The following PDE4D variants were observed in gnomAD, a reference collection of about 807,000 sequenced individuals.
PDE4D encodes the protein phosphodiesterase 4D.
A neutral mutation model predicts 87.4 loss-of-function variants in PDE4D; 24 were observed. That is an observed-to-expected ratio of 0.27 (90% CI 0.20 to 0.39). The LOEUF is 0.39. PDE4D is among the 10% of genes least tolerant of loss of function. The pLI, the probability that PDE4D is intolerant of heterozygous loss-of-function variation, is 1.00. For synonymous variants in PDE4D, 384 were observed against 383.2 expected (o/e 1.00, Z -0.02); for missense variants, 714 against 1,041.0 (o/e 0.69, Z 4.32).
chr5:60,095,127 G>T (rs1775548231), intron 2 of PDE4D, among the ~76,000 whole-genome samples: 1 of 152,110 alleles, frequency 6.6e-6, no homozygotes, highest in Non-Finnish European at 1.5e-5. Flanking sequence ...GTATACACGT[G>T]CCATGGTGGT....
intron 2 of PDE4D, among the ~76,000 whole-genome samples, chr5:60,134,711 G>A (rs1026131252): frequency 3.3e-5 from 5 of 152,062 alleles, no homozygotes; most frequent in Admixed American, 1.3e-4. Flanking sequence ...CTAGTATAAC[G>A]TAAATGTTAT....
At chr5:59,155,473 G>A (rs926004801) in intron 5 of PDE4D, among the ~76,000 whole-genome samples, 3 of 152,184 alleles carry the variant, frequency 2.0e-5, no homozygotes, top group Admixed American at 1.3e-4. Flanking sequence ...CTGGAACAGA[G>A]GTGTTGTGAG....
At chr5:59,763,193 A>G (rs984261768) in intron 1 of PDE4D, among the ~76,000 whole-genome samples, 4 of 151,868 alleles carry the variant, frequency 2.6e-5, no homozygotes, top group African/African-American at 9.7e-5. Flanking sequence ...GGGAGCGGGT[A>G]GGGATAGCTT....
At chr5:59,468,945 C>A (rs953066006) in intron 1 of PDE4D, among the ~76,000 whole-genome samples, 2 of 152,162 alleles carry the variant, frequency 1.3e-5, no homozygotes, top group Non-Finnish European at 2.9e-5. Context: ...GTCTTCCTAA[C>A]TATGAGGCCT....
At chr5:60,161,582 A>C (rs1383332468) in intron 2 of PDE4D, among the ~76,000 whole-genome samples, 1 of 152,124 alleles carries the variant, frequency 6.6e-6, no homozygotes, top group Non-Finnish European at 1.5e-5. Context: ...TGGATCCCCT[A>C]GTTGAAGAAA....
rs191317223 is a variant in PDE4D at position 60,217,527 on chromosome 5, C to G, written c.-89-31840G>C. 2.9e-3 allele frequency among the ~76,000 whole-genome samples: 436 copies of G among 151,642 alleles called. 3 individuals are homozygous for G. Among genetic ancestry groups the G allele is most frequent in the African/African-American group, 0.01 (422 of 41,414 alleles). ...TCAAATCACATAGTAAAACACAACG[C>G]AAAAAGCATGAACAATCACAGAAAA... On this transcript the variant is annotated intron_variant, in intron 1 of 16. Transcript: ENST00000502484.
chr5:59,155,961 G>T (rs542410090), intron 5 of PDE4D, among the ~76,000 whole-genome samples: 4 of 152,130 alleles, frequency 2.6e-5, no homozygotes, highest in South Asian at 2.1e-4. Flanking sequence ...AGAGCTGCTG[G>T]TTTGGGAGGC....
chr5:59,042,596 G>A (rs1759874896), intron 5 of PDE4D, among the ~76,000 whole-genome samples: 1 of 152,140 alleles, frequency 6.6e-6, no homozygotes, highest in African/African-American at 2.4e-5. Flanking sequence ...GAACTAAACA[G>A]AGAAAAACAC....
At chr5:60,371,816 C>T (rs1761052289) in intron 1 of PDE4D, among the ~76,000 whole-genome samples, 1 of 152,096 alleles carries the variant, frequency 6.6e-6, no homozygotes, top group Non-Finnish European at 1.5e-5. Context: ...TTAGATTCAT[C>T]CATATTGTAT....
At chr5:59,646,034 T>C (rs1175107551) in intron 1 of PDE4D, among the ~76,000 whole-genome samples, 1 of 152,136 alleles carries the variant, frequency 6.6e-6, no homozygotes, top group East Asian at 1.9e-4. Context: ...GCCAAAAAAA[T>C]CATAGAAATG....
chr5:58,992,071 T>G, intron 7 of PDE4D, 67 bp from the exon 8 acceptor site: 1 of 973,978 alleles, frequency 1.0e-6, no homozygotes, highest in African/African-American at 1.7e-5. Flanking sequence ...ATATGCATAA[T>G]TGGAAGGATT....
intron 1 of PDE4D, among the ~76,000 whole-genome samples, chr5:59,273,524 A>C (rs953497287): frequency 1.3e-5 from 2 of 152,060 alleles, no homozygotes; most frequent in African/African-American, 4.8e-5. Flanking sequence ...CTCAGGCCAA[A>C]TTTTTTGGCA....
At chr5:59,428,792 A>G (rs1795685585) in intron 1 of PDE4D, among the ~76,000 whole-genome samples, 1 of 152,170 alleles carries the variant, frequency 6.6e-6, no homozygotes, top group Non-Finnish European at 1.5e-5. Context: ...ATCCTTTCGT[A>G]GAATGAAAGC....
intron 5 of PDE4D, among the ~76,000 whole-genome samples, chr5:59,058,304 A>C (rs1441228041): frequency 6.6e-6 from 1 of 152,150 alleles, no homozygotes; most frequent in Non-Finnish European, 1.5e-5. Context: ...GATTAGTGTA[A>C]CTTTTGTTCC....
At chr5:60,038,674 C>T (rs1034811200) in intron 2 of PDE4D, among the ~76,000 whole-genome samples, 11 of 151,948 alleles carry the variant, frequency 7.2e-5, no homozygotes, top group East Asian at 1.9e-4. Context: ...AGAAAATTGT[C>T]GCAACCTACT....
intron 1 of PDE4D, among the ~76,000 whole-genome samples, chr5:60,442,521 C>T (rs1483982438): frequency 1.3e-5 from 2 of 152,000 alleles, no homozygotes; most frequent in East Asian, 1.9e-4. Context: ...CACCACAACA[C>T]GTGTATACCT....
At chr5:59,356,988 C>CA (rs1196740433) in intron 1 of PDE4D, 17 of 1,019,578 alleles carry the variant, frequency 1.7e-5, no homozygotes, top group Non-Finnish European at 2.1e-5. Context: ...TATGCGCTGA[C>CA]AGAGAGATGG....
At chr5:59,292,945 G>T (rs1359225198) in intron 1 of PDE4D, among the ~76,000 whole-genome samples, 2 of 152,136 alleles carry the variant, frequency 1.3e-5, no homozygotes, top group Non-Finnish European at 2.9e-5. Flanking sequence ...TGATAATTAT[G>T]AGTTACCTTC....
At chr5:60,306,472 G>A (rs920861017) in intron 1 of PDE4D, among the ~76,000 whole-genome samples, 8 of 151,774 alleles carry the variant, frequency 5.3e-5, no homozygotes, top group Non-Finnish European at 7.4e-5. Flanking sequence ...TCACAGGAAC[G>A]AATCAATAAA....
Sources: allele counts gnomAD v4.1 joint callset (sites outside exome capture counted in the v4.1 genomes callset), GRCh38; gene constraint gnomAD v4.1.1; transcripts MANE v1.5; gene names NCBI Gene and HGNC (gene_info 2026-07-23, HGNC 2026-07-21).